UBE3C: variants seen among roughly 807,000 people sequenced by gnomAD.
The protein encoded by UBE3C is ubiquitin protein ligase E3C.
In UBE3C, 42 loss-of-function variants were observed where a neutral mutation model predicts 129.4. The observed-to-expected ratio is 0.32, with a 90% CI of 0.25 to 0.42. UBE3C has a LOEUF of 0.42. UBE3C is among the 10% of genes least tolerant of loss of function. The probability of loss-of-function intolerance (pLI) is 1.00; values close to 1 mark genes in which losing one functional copy is unlikely to be tolerated. For synonymous variants in UBE3C, 510 were observed against 492.4 expected (o/e 1.04, Z -0.47); for missense variants, 1,049 against 1,319.1 (o/e 0.80, Z 3.17).
intron 18 of UBE3C, among the ~76,000 whole-genome samples, chr7:157,239,674 G>A (rs908130323): frequency 2.6e-5 from 4 of 152,208 alleles, no homozygotes; most frequent in Non-Finnish European, 5.9e-5. Context: ...TATGGGGCTA[G>A]GAAAGCTGTG....
chr7:157,179,124 T>C (rs1361075915), intron 6 of UBE3C, among the ~76,000 whole-genome samples: 1 of 151,876 alleles, frequency 6.6e-6, no homozygotes, highest in Non-Finnish European at 1.5e-5. Flanking sequence ...TTTCATCAGT[T>C]GTCCCGTCAT....
At chr7:157,147,827 T>TG (rs1807648950) in intron 1 of UBE3C, among the ~76,000 whole-genome samples, 1 of 152,254 alleles carries the variant, frequency 6.6e-6, no homozygotes, top group African/African-American at 2.4e-5. Flanking sequence ...CTTGTGGATA[T>TG]GATGGATCAC....
chr7:157,192,913 A>G, intron 10 of UBE3C: 1 of 689,430 alleles, frequency 1.5e-6, no homozygotes, highest in Non-Finnish European at 2.6e-6. Context: ...GAGGTAGTGA[A>G]TGCCACTTTC....
intron 1 of UBE3C, among the ~76,000 whole-genome samples, chr7:157,141,301 A>G (rs935054209): frequency 3.2e-4 from 48 of 152,178 alleles, no homozygotes; most frequent in African/African-American, 1.1e-3. Flanking sequence ...CACCACTCAC[A>G]TCAAAGGAAG....
chr7:157,149,335 C>T (rs1586643152), intron 1 of UBE3C, among the ~76,000 whole-genome samples: 1 of 152,062 alleles, frequency 6.6e-6, no homozygotes, highest in Non-Finnish European at 1.5e-5. Flanking sequence ...GGATTACAGG[C>T]GTGAGCCACT....
intron 18 of UBE3C, among the ~76,000 whole-genome samples, chr7:157,245,881 C>T (rs1796459213): frequency 6.6e-6 from 1 of 151,338 alleles, no homozygotes; most frequent in Non-Finnish European, 1.5e-5. Context: ...GTCCCAGCTA[C>T]TCAGGAAACT....
At chr7:157,186,761 G>T in intron 9 of UBE3C, 73 bp from the exon 10 acceptor site, 1 of 1,525,950 alleles carries the variant, frequency 6.6e-7, no homozygotes, top group Non-Finnish European at 8.9e-7. Context: ...ATGTGATTTC[G>T]TATATGTTTG....
At chr7:157,144,556 TAAAG>T (rs1371548764) in intron 1 of UBE3C, among the ~76,000 whole-genome samples, 1 of 151,988 alleles carries the variant, frequency 6.6e-6, no homozygotes, top group Non-Finnish European at 1.5e-5. Context: ...TTTTGAGACT[TAAAG>T]AAGCTAGGGA....
At chr7:157,207,675 C>T in intron 12 of UBE3C, 28 bp from the exon 13 acceptor site, 1 of 1,600,502 alleles carries the variant, frequency 6.2e-7, no homozygotes. Context: ...GAAAAAGAAA[C>T]AATAGAAAAC....
At chr7:157,246,262 G>T in intron 18 of UBE3C, among the ~76,000 whole-genome samples, 1 of 152,144 alleles carries the variant, frequency 6.6e-6, no homozygotes, top group Non-Finnish European at 1.5e-5. Context: ...TACTAAATAC[G>T]GTAACTGGTT....
intron 16 of UBE3C, 55 bp downstream of exon 16, chr7:157,223,406 T>TAAC: frequency 1.4e-6 from 2 of 1,452,350 alleles, no homozygotes; most frequent in African/African-American, 2.8e-5. Context: ...GTTAAGAAAT[T>TAAC]AACACACACC....
At chr7:157,160,669 G>C (rs1808045495) in intron 1 of UBE3C, among the ~76,000 whole-genome samples, 1 of 152,034 alleles carries the variant, frequency 6.6e-6, no homozygotes, top group Admixed American at 6.6e-5. Context: ...TCTTTCCCTT[G>C]TTAATTGATC....
At chr7:157,163,047 T>C (rs1808113657) in intron 1 of UBE3C, among the ~76,000 whole-genome samples, 1 of 152,174 alleles carries the variant, frequency 6.6e-6, no homozygotes, top group African/African-American at 2.4e-5. Context: ...TTCATTGAAA[T>C]TTTTATTGAG....
chr7:157,177,933 T>TG (rs936058283), intron 5 of UBE3C, among the ~76,000 whole-genome samples: 8 of 151,058 alleles, frequency 5.3e-5, no homozygotes, highest in African/African-American at 4.9e-5. Context: ...GATTCTGTTT[T>TG]TTTTTTTTTT....
At chr7:157,159,334 A>AC (rs1808003231) in intron 1 of UBE3C, among the ~76,000 whole-genome samples, 1 of 151,954 alleles carries the variant, frequency 6.6e-6, no homozygotes, top group South Asian at 2.1e-4. Flanking sequence ...TAAAAAAAAA[A>AC]AACAGAATTA....
intron 17 of UBE3C, among the ~76,000 whole-genome samples, chr7:157,225,867 C>T (rs1302724400): frequency 3.3e-5 from 5 of 152,110 alleles, no homozygotes; most frequent in African/African-American, 1.2e-4. Flanking sequence ...GGGAGGATGG[C>T]TTGAGCCTGG....
intron 9 of UBE3C, among the ~76,000 whole-genome samples, chr7:157,184,230 T>G (rs1307725945): frequency 2.0e-5 from 3 of 152,172 alleles, no homozygotes; most frequent in Non-Finnish European, 2.9e-5. Flanking sequence ...TTCATGGAAG[T>G]GTAAATGGAG....
Position 157,186,846 on chromosome 7 carries a change from CTG to C in UBE3C, c.1158_1159del (p.Val388IlefsTer64). 6.2e-7 allele frequency: 1 copy of C among 1,614,132 alleles called. No individual in the cohort carries two copies. The highest frequency in any genetic ancestry group is 8.5e-7 in the Non-Finnish European group (1 of 1,180,016). On this transcript the variant is annotated frameshift_variant, in exon 10 of 23. Coordinates refer to ENST00000348165, the MANE Select transcript of UBE3C (RefSeq NM_014671.3). LOFTEE classifies it high-confidence loss of function. ...DKPSSPEDGRLSVSYITEECL... is the reference protein window; with the variant it reads ...DKPSSPEDGRXSVSYITEECL... Reference sequence around the variant, plus strand: ...TGGTATGTTCTAGGAGGATGGCAGACTGTCAGTATCATACATAACAGAGGAAT... The same window carrying C: ...TGGTATGTTCTAGGAGGATGGCAGACTCAGTATCATACATAACAGAGGAAT...
chr7:157,251,807 G>T (rs138799797), intron 19 of UBE3C, among the ~76,000 whole-genome samples: 2 of 152,110 alleles, frequency 1.3e-5, no homozygotes, highest in African/African-American at 4.8e-5. Flanking sequence ...GCCTGAGAGA[G>T]AATTTTAAAT....
Sources: gnomAD v4.1 joint callset for allele counts (sites outside exome capture counted in the v4.1 genomes callset) on GRCh38, gnomAD v4.1.1 for gene constraint, MANE v1.5 for transcripts, NCBI Gene and HGNC (gene_info 2026-07-23, HGNC 2026-07-21) for gene names.